The following CTNND2 variants were observed in gnomAD, a reference collection of about 807,000 sequenced individuals.
The protein encoded by CTNND2 is catenin delta 2.
A neutral mutation model predicts 144.4 loss-of-function variants in CTNND2; 22 were observed. The observed-to-expected ratio is 0.15, with a 90% CI of 0.11 to 0.22. The LOEUF is 0.22. CTNND2 is among the 10% of genes least tolerant of loss of function. The pLI, the probability that CTNND2 is intolerant of heterozygous loss-of-function variation, is 1.00. For synonymous variants in CTNND2, 751 were observed against 695.6 expected (o/e 1.08, Z -1.25); for missense variants, 1,353 against 1,618.8 (o/e 0.84, Z 2.82).
intron 18 of CTNND2, among the ~76,000 whole-genome samples, chr5:11,010,587 G>A (rs113736214): frequency 9.3e-4 from 142 of 152,330 alleles, no homozygotes; most frequent in South Asian, 2.9e-3. Context: ...AGAGTGGTCA[G>A]TCTCCCACAA....
chr5:11,623,802 GTGTATGTATATATATATATATA>G (rs1780992335), intron 2 of CTNND2, among the ~76,000 whole-genome samples: 1 of 38,550 alleles, frequency 2.6e-5, no homozygotes, highest in African/African-American at 1.1e-4. Flanking sequence ...ATATATATGT[GTGTATGTATATATATATATATA>G]TATATATATA....
In CTNND2 at chr5:11,850,516, T is replaced by C. The variant is rs78683803; in HGVS notation, c.37+53301A>G. Reference sequence around the variant, plus strand: ...AATTCTACTATACATTTGTAATAAATTATTAAATTGGCAGGAGACATTGTA... The same window carrying C: ...AATTCTACTATACATTTGTAATAAACTATTAAATTGGCAGGAGACATTGTA... On this transcript the variant is annotated intron_variant, in intron 1 of 21. Transcript: ENST00000304623. Among the ~76,000 whole-genome samples, 6 of 152,310 alleles carry C rather than the reference T, an allele frequency of 3.9e-5. No individual in the cohort carries two copies. The East Asian group carries it at 1.2e-3, about 29-fold the overall frequency.
At position 11,083,999 on chromosome 5, in the gene CTNND2, A is replaced by G. The variant is rs1281143485; in HGVS notation, c.2638-1153T>C. 4 of 1,024,404 alleles carry G rather than the reference A, an allele frequency of 3.9e-6. No homozygotes were observed. The African/African-American group carries it at 7.0e-5, about 18-fold the overall frequency. The allele number at this position is 1,024,404 out of a possible 1,614,324, so 63.5% of individuals were successfully genotyped here. A position where few individuals can be genotyped will look rare whatever the true frequency, so the allele number is the denominator to read the frequency against. On this transcript the variant is annotated intron_variant, in intron 15 of 21. Coordinates refer to ENST00000304623, the MANE Select transcript of CTNND2 (RefSeq NM_001332.4). ...CAAAAAAACAACTTCATCCTGTCCT[A>G]CATTAGAAATCACATTCACACAGTT...
intron 3 of CTNND2, among the ~76,000 whole-genome samples, chr5:11,516,713 A>T (rs1772194453): frequency 6.6e-6 from 1 of 152,230 alleles, no homozygotes; most frequent in Admixed American, 6.5e-5. Context: ...CATGGACAAG[A>T]AAAGTTAATA....
intron 2 of CTNND2, among the ~76,000 whole-genome samples, chr5:11,716,038 C>T (rs1786329920): frequency 6.6e-6 from 1 of 152,164 alleles, no homozygotes; most frequent in African/African-American, 2.4e-5. Context: ...AAAAAATGCA[C>T]TGATGTGTCC....
At chr5:11,367,671 G>A (rs1757106718) in intron 7 of CTNND2, among the ~76,000 whole-genome samples, 1 of 152,198 alleles carries the variant, frequency 6.6e-6, no homozygotes, top group Non-Finnish European at 1.5e-5. Flanking sequence ...ATTCAACTTT[G>A]TCTAAAATGT....
chr5:11,212,784 T>C (rs1738770838), intron 10 of CTNND2, among the ~76,000 whole-genome samples: 1 of 152,104 alleles, frequency 6.6e-6, no homozygotes, highest in Non-Finnish European at 1.5e-5. Context: ...GGTAAGGGCC[T>C]GGGCCTGGGC....
Position 11,181,818 on chromosome 5 carries a change from GGT to G in CTNND2, c.1975+17628_1975+17629del, listed in dbSNP as rs144690966. Among the ~76,000 whole-genome samples the G allele has an allele frequency of 7.6e-3, 1,124 of 147,432 alleles. 15 individuals carry two copies. The highest frequency in any genetic ancestry group is 0.018 in the Admixed American group (260 of 14,810). On this transcript the variant is annotated intron_variant, in intron 11 of 21. Transcript: ENST00000304623. The stretch of plus-strand genomic sequence containing the variant: ...TGGTGTGTGTGTGGTGAATGCGTGT[GGT>G]GTGTGTGTGTATGTGTGGCATGTGT...
chr5:11,680,469 G>A (rs144021156), intron 2 of CTNND2, among the ~76,000 whole-genome samples: 9 of 152,166 alleles, frequency 5.9e-5, no homozygotes, highest in Non-Finnish European at 1.2e-4. Flanking sequence ...ACCCCACCAC[G>A]CACAGGACAT....
At chr5:11,472,159 G>C (rs928047896) in intron 3 of CTNND2, among the ~76,000 whole-genome samples, 2 of 151,894 alleles carry the variant, frequency 1.3e-5, no homozygotes, top group Non-Finnish European at 2.9e-5. Context: ...TTTTTGGGGG[G>C]GATCCTCACT....
chr5:11,732,359 A>G, intron 1 of CTNND2, 87 bp from the exon 2 acceptor site: 2 of 1,282,192 alleles, frequency 1.6e-6, no homozygotes, highest in Non-Finnish European at 2.2e-6. Context: ...ATACACACAG[A>G]AAAAAAAGTA....
intron 3 of CTNND2, among the ~76,000 whole-genome samples, chr5:11,537,143 A>C (rs370862375): frequency 2.6e-5 from 4 of 152,120 alleles, no homozygotes; most frequent in South Asian, 4.2e-4. Flanking sequence ...ATACAAGCAG[A>C]AGATACTATT....
intron 3 of CTNND2, among the ~76,000 whole-genome samples, chr5:11,470,981 T>TAGATATA (rs58435800): frequency 1.6e-5 from 1 of 64,070 alleles, no homozygotes; most frequent in South Asian, 5.5e-4. Flanking sequence ...TATATATATA[T>TAGATATA]TTTTTTTTTT....
intron 1 of CTNND2, among the ~76,000 whole-genome samples, chr5:11,789,454 G>C (rs926548426): frequency 4.6e-5 from 7 of 151,944 alleles, no homozygotes; most frequent in Non-Finnish European, 8.8e-5. Flanking sequence ...GCATATTTTT[G>C]TTAGGATTTT....
intron 2 of CTNND2, among the ~76,000 whole-genome samples, chr5:11,727,527 T>A (rs369895458): frequency 2.2e-4 from 34 of 152,346 alleles, no homozygotes; most frequent in African/African-American, 8.2e-4. Context: ...TGCTTTTTTT[T>A]TCATTTCTAA....
chr5:11,128,870 T>A (rs1755038940), intron 12 of CTNND2, among the ~76,000 whole-genome samples: 1 of 66,166 alleles, frequency 1.5e-5, no homozygotes, highest in Non-Finnish European at 2.9e-5. Context: ...ATATAATATA[T>A]AAATATATAA....
chr5:11,674,690 G>GCA (rs1784076009), intron 2 of CTNND2, among the ~76,000 whole-genome samples: 1 of 149,500 alleles, frequency 6.7e-6, no homozygotes, highest in South Asian at 2.1e-4. Flanking sequence ...AAAGGTAAAT[G>GCA]CATATGCAGT....
chr5:11,763,430 T>C (rs939177787), intron 1 of CTNND2, among the ~76,000 whole-genome samples: 1 of 152,212 alleles, frequency 6.6e-6, no homozygotes, highest in Non-Finnish European at 1.5e-5. Context: ...AAAACTCCTG[T>C]AGGTCATTTC....
chr5:11,194,325 C>T (rs770654873), intron 11 of CTNND2, among the ~76,000 whole-genome samples: 1 of 152,254 alleles, frequency 6.6e-6, no homozygotes, highest in African/African-American at 2.4e-5. Flanking sequence ...CTCTCATTCT[C>T]CACTTTCACC....
Sources: gnomAD v4.1 joint callset for allele counts (sites outside exome capture counted in the v4.1 genomes callset) on GRCh38, gnomAD v4.1.1 for gene constraint, MANE v1.5 for transcripts, NCBI Gene and HGNC (gene_info 2026-07-23, HGNC 2026-07-21) for gene names.